Variants in ZFHX3 observed in about 807,000 individuals in gnomAD.
ZFHX3 encodes zinc finger homeobox 3.
ZFHX3 carries 42 observed loss-of-function variants against 279.1 expected under a neutral mutation model. That is an observed-to-expected ratio of 0.15 (90% CI 0.12 to 0.19). ZFHX3 has a LOEUF of 0.19. Among genes scored for constraint, ZFHX3 ranks in the 10% least tolerant of loss-of-function variants. The pLI is 1.00. For synonymous variants in ZFHX3, 2,293 were observed against 1,957.8 expected, an observed-to-expected ratio of 1.17 and a Z score of -4.52; for missense variants, 4,981 against 4,754.0, an observed-to-expected ratio of 1.05 and a Z score of -1.40.
intron 5 of ZFHX3, among the ~76,000 whole-genome samples, chr16:73,247,935 T>G (rs192539787): frequency 2.2e-4 from 34 of 151,922 alleles, no homozygotes; most frequent in Admixed American, 1.0e-3. Context: ...GTGGAGTGTG[T>G]GTGTTCGTAT....
At chr16:73,170,441 G>T (rs897704842) in intron 5 of ZFHX3, among the ~76,000 whole-genome samples, 1 of 151,838 alleles carries the variant, frequency 6.6e-6, no homozygotes, top group African/African-American at 2.4e-5. Context: ...TGTAGGCTAG[G>T]CTGGTCTCGA....
Position 72,950,892 on chromosome 16 carries a change from G to A in ZFHX3, c.2793C>T (p.Gly931=), listed in dbSNP as rs143351192. 4.1e-3 allele frequency: 6,545 copies of A among 1,613,932 alleles called. 15 individuals carry two copies. The highest frequency in any genetic ancestry group is 5.1e-3 in the Non-Finnish European group (5,970 of 1,180,028). ...GGTCGTTGGTCTGGATGAAGCTCTC[G>A]CCCAGGTTCATCAGCTCCTCTGACA... is the stretch of plus-strand genomic sequence containing the variant. The part of the protein sequence containing the change: ...QLVSEELMNL[G]ESFIQTNDPS... The change falls in exon 3 of 10, where the codon GGC becomes GGT. Residue 931 remains glycine, a synonymous_variant. Coordinates refer to ENST00000268489, the MANE Select transcript of ZFHX3 (RefSeq NM_006885.4).
intron 4 of ZFHX3, among the ~76,000 whole-genome samples, chr16:72,832,242 C>A (rs2037077483): frequency 6.6e-6 from 1 of 152,162 alleles, no homozygotes; most frequent in Admixed American, 6.5e-5. Context: ...GACCCCAATT[C>A]TTTGAGCCTT....
chr16:73,662,938 T>G (rs2052800665), intron 2 of ZFHX3, among the ~76,000 whole-genome samples: 1 of 152,136 alleles, frequency 6.6e-6, no homozygotes, highest in Admixed American at 6.5e-5. Flanking sequence ...ATGCAGATAT[T>G]TATAAAGCAG....
At chr16:73,849,241 T>C (rs916632818) in intron 1 of ZFHX3, among the ~76,000 whole-genome samples, 5 of 152,234 alleles carry the variant, frequency 3.3e-5, no homozygotes, top group Non-Finnish European at 5.9e-5. Context: ...TTGCTTTTTA[T>C]ATGAACTTCT....
At chr16:73,013,462 A>G (rs1963990263) in intron 1 of ZFHX3, among the ~76,000 whole-genome samples, 1 of 151,632 alleles carries the variant, frequency 6.6e-6, no homozygotes, top group South Asian at 2.1e-4. Flanking sequence ...TAATTTTTCT[A>G]TTTTTTGTGG....
chr16:73,501,771 G>A (rs537708181), intron 2 of ZFHX3, among the ~76,000 whole-genome samples: 73 of 152,258 alleles, frequency 4.8e-4, no homozygotes, highest in African/African-American at 1.6e-3. Context: ...AAGAAAAGCT[G>A]CTGTGTGGAG....
chr16:72,849,700 G>A (rs1370583408), intron 4 of ZFHX3, among the ~76,000 whole-genome samples: 1 of 151,750 alleles, frequency 6.6e-6, no homozygotes, highest in Non-Finnish European at 1.5e-5. Flanking sequence ...GTTCTTATTG[G>A]CATATCAATT....
rs1207955024 is a variant in ZFHX3, at chr16:72,927,467, T to A, written c.3216+23002A>T. The stretch of plus-strand genomic sequence containing the variant: ...GCCTTGGAATCTGGAATAAGTCAGT[T>A]CTTCTCCAGGTGCAGGTGATGGGGG... On this transcript the variant is annotated intron_variant, in intron 3 of 9. Coordinates refer to ENST00000268489, the MANE Select transcript of ZFHX3 (RefSeq NM_006885.4). Among the ~76,000 whole-genome samples, 8 of 152,312 alleles carry A rather than the reference T, an allele frequency of 5.3e-5. No homozygotes were observed. In the East Asian group the frequency reaches 1.5e-3, roughly 29 times the overall value.
At chr16:73,760,419 T>TC (rs2053852097) in intron 1 of ZFHX3, among the ~76,000 whole-genome samples, 1 of 151,970 alleles carries the variant, frequency 6.6e-6, no homozygotes, top group Admixed American at 6.6e-5. Flanking sequence ...AAAGAGGGAA[T>TC]CCTCCCTAAA....
chr16:73,587,442 A>C (rs1213667610), intron 2 of ZFHX3, among the ~76,000 whole-genome samples: 2 of 152,228 alleles, frequency 1.3e-5, no homozygotes, highest in African/African-American at 2.4e-5. Flanking sequence ...CCAAAACCAT[A>C]ACTTTTGCCA....
Position 73,619,375 on chromosome 16 carries a change from C to G in ZFHX3, c.-1547+60805G>C, listed in dbSNP as rs373779308. Among the ~76,000 whole-genome samples, 31 of 151,796 alleles carry G rather than the reference C, an allele frequency of 2.0e-4. No individual in the cohort carries two copies. In the East Asian group the frequency reaches 5.6e-3, roughly 28 times the overall value. On this transcript the variant is annotated intron_variant, in intron 2 of 17. Transcript: ENST00000641206. The stretch of plus-strand genomic sequence containing the variant: ...TGGTGGCGGGCACCTATAGTCCCAG[C>G]TACTCGGGAGGCTGAGGCAGGAGAA...
chr16:73,875,454 A>G (rs938617937), intron 1 of ZFHX3, among the ~76,000 whole-genome samples: 30 of 152,184 alleles, frequency 2.0e-4, no homozygotes, highest in Non-Finnish European at 3.1e-4. Flanking sequence ...GTTCATTCTA[A>G]AATACAGCAT....
chr16:72,913,438 T>C (rs1345800660), intron 3 of ZFHX3, among the ~76,000 whole-genome samples: 3 of 152,180 alleles, frequency 2.0e-5, no homozygotes, highest in Non-Finnish European at 1.5e-5. Context: ...TTGTCTGATG[T>C]TTTCTCACAA....
At chr16:72,911,082 A>T (rs566361147) in intron 3 of ZFHX3, among the ~76,000 whole-genome samples, 1 of 152,316 alleles carries the variant, frequency 6.6e-6, no homozygotes, top group Non-Finnish European at 1.5e-5. Flanking sequence ...CAGCACAAAG[A>T]TTCCCCTACA....
chr16:73,891,345 T>C (rs947681030), intron 1 of ZFHX3, among the ~76,000 whole-genome samples: 1 of 152,004 alleles, frequency 6.6e-6, no homozygotes, highest in African/African-American at 2.4e-5. Flanking sequence ...GATACACACA[T>C]ACACGTGTCA....
chr16:72,842,585 T>C (rs1233190846), intron 4 of ZFHX3, among the ~76,000 whole-genome samples: 1 of 152,160 alleles, frequency 6.6e-6, no homozygotes, highest in Admixed American at 6.5e-5. Flanking sequence ...TTAGAAAGAA[T>C]AAAGTAAGTG....
chr16:73,264,978 A>G (rs1021201799), intron 4 of ZFHX3, among the ~76,000 whole-genome samples: 4 of 150,126 alleles, frequency 2.7e-5, no homozygotes, highest in African/African-American at 9.8e-5. Flanking sequence ...ATGTGTATAT[A>G]TATGTGTGTA....
At chr16:73,091,167 C>T (rs1173307380) in intron 8 of ZFHX3, among the ~76,000 whole-genome samples, 11 of 149,876 alleles carry the variant, frequency 7.3e-5, no homozygotes, top group Non-Finnish European at 8.9e-5. Context: ...GTGGAGATCA[C>T]GCCACTGTAC....
Sources: gnomAD v4.1 joint callset for allele counts (sites outside exome capture counted in the v4.1 genomes callset) on GRCh38, gnomAD v4.1.1 for gene constraint, MANE v1.5 for transcripts, NCBI Gene and HGNC (gene_info 2026-07-23, HGNC 2026-07-21) for gene names.